NUMA1: variants seen among roughly 807,000 people sequenced by gnomAD.
NUMA1 encodes SP-H antigen.
Under a neutral mutation model 237.1 loss-of-function variants are expected in NUMA1, and 62 were observed. The observed-to-expected ratio is 0.26, with a 90% CI of 0.21 to 0.32. NUMA1 has a LOEUF of 0.32. Ranked by LOEUF, NUMA1 falls within the 10% of genes least tolerant of loss-of-function variation. The pLI is 1.00. For synonymous variants in NUMA1, 1,028 were observed against 1,066.1 expected, an observed-to-expected ratio of 0.96 and a Z score of 0.70; for missense variants, 2,533 against 2,666.5, an observed-to-expected ratio of 0.95 and a Z score of 1.10.
chr11:72,010,218 G>A (rs991748918), intron 17 of NUMA1, among the ~76,000 whole-genome samples: 1 of 152,216 alleles, frequency 6.6e-6, no homozygotes, highest in African/African-American at 2.4e-5. Flanking sequence ...AATGCCACTG[G>A]TGCCCAATTC....
In NUMA1 at chr11:72,013,561, C is replaced by G; in HGVS notation, c.3942G>C (p.Glu1314Asp). 1 of 1,613,494 alleles carries G rather than the reference C, an allele frequency of 6.2e-7. No individual in the cohort carries two copies. Among genetic ancestry groups the G allele is most frequent in the Middle Eastern group, 1.6e-4 (1 of 6,062 alleles). ...QRVASENLRQ[E>D]LTSQAERAEE... is the part of the protein sequence containing the mutation. Reference sequence around the variant, plus strand: ...CCGCACGCTCAGCCTGTGAGGTCAGCTCCTGCCGCAGGTTCTCTGAAGCCA... The same window carrying G: ...CCGCACGCTCAGCCTGTGAGGTCAGGTCCTGCCGCAGGTTCTCTGAAGCCA... The change falls in exon 15 of 27, where the codon GAG becomes GAC. Residue 1314 changes from glutamate (E) to aspartate (D), a missense_variant. By Grantham distance (45) the Glu-to-Asp change is conservative (BLOSUM62 2). Coordinates refer to ENST00000393695, the MANE Select transcript of NUMA1 (RefSeq NM_006185.4). This position sits in a 1 kb window ranked among gnomAD's most constrained non-coding sequence, Gnocchi z 6.8.
At chr11:72,026,444 T>A (rs1396353738) in intron 4 of NUMA1, among the ~76,000 whole-genome samples, 2 of 152,272 alleles carry the variant, frequency 1.3e-5, no homozygotes, top group Non-Finnish European at 1.5e-5. Flanking sequence ...ACCTCTAAGT[T>A]TTCTGGCAAA....
At chr11:72,037,628 G>A (rs564398201) in intron 2 of NUMA1, among the ~76,000 whole-genome samples, 1 of 152,210 alleles carries the variant, frequency 6.6e-6, no homozygotes, top group Non-Finnish European at 1.5e-5. Context: ...TTAAACATAT[G>A]TGAAGCACTA....
chr11:72,018,643 A>G (rs1398452674), intron 10 of NUMA1, 130 bp from the exon 11 acceptor site: 2 of 1,054,176 alleles, frequency 1.9e-6, no homozygotes, highest in Admixed American at 2.2e-5. Flanking sequence ...ATGGTATCCA[A>G]TCTAAGGGAA....
rs754425003 is a variant in NUMA1, at chr11:72,008,745, A to G, written c.5159T>C (p.Leu1720Ser). Residue 1720 changes from leucine (L) to serine (S), a missense_variant, in exon 20 of 27, where the codon TTG (leucine) becomes TCG (serine). Leu to Ser is a moderately radical substitution (Grantham distance 145). Around this residue, in one of 3 missense-constraint regions of NUMA1, gnomAD observed 795 missense variants for 750.8 expected, o/e 1.06. Coordinates refer to ENST00000393695, the MANE Select transcript of NUMA1 (RefSeq NM_006185.4). ...GCTCAGATCCAGGCTGTCAATACTC[A>G]AGTCCAGCTGGGGCTTAGCCTGGGG... ...REPQAKPQLD[L>S]SIDSLDLSCE... 6.2e-7 allele frequency: 1 copy of G among 1,613,932 alleles called. No individual in the cohort carries two copies. The highest frequency in any genetic ancestry group is 1.1e-5 in the South Asian group (1 of 91,070).
Position 72,005,356 on chromosome 11 carries a change from G to T in NUMA1, c.5706C>A (p.Phe1902Leu), listed in dbSNP as rs763253923. 1.2e-6 allele frequency: 2 copies of T among 1,607,792 alleles called. No individual in the cohort carries two copies. The highest frequency in any genetic ancestry group is 3.4e-5 in the Admixed American group (2 of 59,102). Residue 1902 changes from phenylalanine (F) to leucine (L), a missense_variant, in exon 23 of 27, where the codon TTC becomes TTA. By Grantham distance (22) the Phe-to-Leu change is conservative. This residue lies in a region of NUMA1 where 795 missense variants were observed against 750.8 expected (regional missense o/e 1.06). Coordinates refer to ENST00000393695, the MANE Select transcript of NUMA1 (RefSeq NM_006185.4). The stretch of plus-strand genomic sequence containing the variant: ...GCTCATCCTGGCAAGTGCCCATGTA[G>T]AAGCTGTTCCTTCCTGTGGAAGGCA... ...SSGAPPGRNS[F>L]YMGTCQDEPE...
At chr11:72,019,150 GA>G in intron 9 of NUMA1, 170 bp from the exon 10 acceptor site, 1 of 702,486 alleles carries the variant, frequency 1.4e-6, no homozygotes, top group Non-Finnish European at 2.3e-6. Context: ...ATGATCTTGG[GA>G]AAACTTTTCT....
chr11:72,050,980 T>C (rs1413129744), intron 2 of NUMA1: 1 of 151,132 alleles, frequency 6.6e-6, no homozygotes, highest in Non-Finnish European at 1.5e-5. Flanking sequence ...CTCAAACTTC[T>C]GGGCTCAAGT....
chr11:72,056,369 T>C (rs1221329490), intron 2 of NUMA1, among the ~76,000 whole-genome samples: 2 of 149,222 alleles, frequency 1.3e-5, no homozygotes, highest in East Asian at 3.9e-4. Flanking sequence ...TTGCCCAGGC[T>C]AGAGTGCAGT....
At chr11:72,079,455 G>A (rs1943920587) in intron 1 of NUMA1, among the ~76,000 whole-genome samples, 1 of 151,852 alleles carries the variant, frequency 6.6e-6, no homozygotes, top group South Asian at 2.1e-4. Flanking sequence ...GCAGGGAACT[G>A]TTTGAACCCG....
intron 2 of NUMA1, among the ~76,000 whole-genome samples, chr11:72,064,564 G>A (rs1468599463): frequency 6.6e-6 from 1 of 152,216 alleles, no homozygotes; most frequent in African/African-American, 2.4e-5. Context: ...TGGGTGCAGT[G>A]GCATATGCCT....
At chr11:72,077,099 A>C (rs553773158) in intron 1 of NUMA1, among the ~76,000 whole-genome samples, 2 of 152,336 alleles carry the variant, frequency 1.3e-5, no homozygotes, top group South Asian at 4.1e-4. Flanking sequence ...AGAAGTTAAC[A>C]CAGAAAGATA....
In NUMA1 at chr11:72,054,294, T is replaced by C. The variant is rs187446940; in HGVS notation, c.-33+15548A>G. Reference sequence around the variant, plus strand: ...CAGCCTGGCCAACATGGTGAAACCCTGTCTCCACTAAAAATACAAAAAAAT... The same window carrying C: ...CAGCCTGGCCAACATGGTGAAACCCCGTCTCCACTAAAAATACAAAAAAAT... On this transcript the variant is annotated intron_variant, in intron 2 of 26. Transcript: ENST00000393695. Among the ~76,000 whole-genome samples the C allele has an allele frequency of 4.8e-3, 732 of 151,840 alleles. 5 individuals carry two copies. The highest frequency in any genetic ancestry group is 7.0e-3 in the Admixed American group (107 of 15,206).
At chr11:72,072,105 C>T (rs1174686860) in intron 1 of NUMA1, 2 of 152,528 alleles carry the variant, frequency 1.3e-5, no homozygotes, top group African/African-American at 4.8e-5. Context: ...CATTGTCACA[C>T]CACAGGAAAT....
rs1323437847 is a variant in NUMA1, at chr11:72,009,329, AGCTGGGCCTGGAGGC to A, written c.4763_4777del (p.Arg1588_Gln1592del). 6 of 1,613,500 alleles carry A rather than the reference AGCTGGGCCTGGAGGC, an allele frequency of 3.7e-6. No individual in the cohort carries two copies. The East Asian group carries it at 6.7e-5, about 18-fold the overall frequency. ...GCTCAACTGGGCTTGCAGTTCATTC[AGCTGGGCCTGGAGGC>A]GCTGGGCCTCCTGCTGGCTCTCGCC... On this transcript the variant is annotated inframe_deletion, in exon 18 of 27. Transcript: ENST00000393695.
At chr11:72,038,428 C>CT (rs1941291964) in intron 2 of NUMA1, among the ~76,000 whole-genome samples, 1 of 152,184 alleles carries the variant, frequency 6.6e-6, no homozygotes, top group Non-Finnish European at 1.5e-5. Flanking sequence ...AGGACCTTGT[C>CT]TGCTCTTCAG....
intron 24 of NUMA1, 56 bp downstream of exon 24, chr11:72,004,584 G>T: frequency 6.4e-7 from 1 of 1,550,540 alleles, no homozygotes. Context: ...TCCTTGGTGA[G>T]CTGGGCCTGA....
chr11:72,015,497 G>T lies in NUMA1; in HGVS notation c.2006C>A (p.Ala669Asp), dbSNP rs958170443. The T allele has an allele frequency of 6.2e-7, 1 of 1,613,018 alleles. No homozygotes were observed. Among genetic ancestry groups the T allele is most frequent in the Middle Eastern group, 1.6e-4 (1 of 6,062 alleles). The part of the protein sequence containing the change: ...VETARQEQHE[A>D]QAQVAELELQ... ...CTCTAGCTCTGCAACCTGGGCCTGG[G>T]CCTCATGCTGTTCCTGGCGGGCTGT... Residue 669 changes from alanine (A) to aspartate (D), a missense_variant, in exon 15 of 27, where the codon GCC (alanine) becomes GAC (aspartate). Coordinates refer to ENST00000393695, the MANE Select transcript of NUMA1 (RefSeq NM_006185.4). This position sits in a 1 kb window ranked among gnomAD's most constrained non-coding sequence, Gnocchi z 4.0.
At position 72,013,858 on chromosome 11, in the gene NUMA1, C is replaced by CCGGG. The variant is rs1317799276; in HGVS notation, c.3641_3644dup (p.Gly1216ProfsTer7). On this transcript the variant is annotated frameshift_variant, in exon 15 of 27. Coordinates refer to ENST00000393695, the MANE Select transcript of NUMA1 (RefSeq NM_006185.4). LOFTEE classifies it high-confidence loss of function. The surrounding 1 kb of genome is among the most constrained non-coding windows in gnomAD (Gnocchi z 6.8). ...TTTTCCTCTCAGCCTCTTGCCGGCCCCGGGCCACCTGGGCCTTCCACTCAT... is the reference window on the plus strand; with the variant it reads ...TTTTCCTCTCAGCCTCTTGCCGGCCCCGGGCGGGCCACCTGGGCCTTCCACTCAT... The CCGGG allele has an allele frequency of 6.2e-7, 1 of 1,613,458 alleles. No individual in the cohort carries two copies. Among genetic ancestry groups the CCGGG allele is most frequent in the Non-Finnish European group, 8.5e-7 (1 of 1,180,048 alleles).
Sources: allele counts gnomAD v4.1 joint callset (sites outside exome capture counted in the v4.1 genomes callset), GRCh38; gene constraint gnomAD v4.1.1; regional missense constraint gnomAD v4.1.1; non-coding constraint Gnocchi (gnomAD v3.1); transcripts MANE v1.5; gene names NCBI Gene and HGNC (gene_info 2026-07-23, HGNC 2026-07-21).